RBFOX2: variants seen among roughly 807,000 people sequenced by gnomAD.
The protein encoded by RBFOX2 is RNA binding protein fox-1 homolog 2.
In RBFOX2, 10 loss-of-function variants were observed where a neutral mutation model predicts 49.1. That is an observed-to-expected ratio of 0.20 (90% confidence interval 0.13 to 0.35). The LOEUF is 0.35. Among genes scored for constraint, RBFOX2 ranks in the 10% least tolerant of loss-of-function variants. The probability of loss-of-function intolerance (pLI) is 1.00; values close to 1 mark genes in which losing one functional copy is unlikely to be tolerated. For synonymous variants in RBFOX2, 183 were observed against 187.4 expected (o/e 0.98, Z 0.19); for missense variants, 323 against 486.9 (o/e 0.66, Z 3.17).
At chr22:35,899,566 C>CA (rs398061920) in intron 1 of RBFOX2, among the ~76,000 whole-genome samples, 19,887 of 90,026 alleles carry the variant, frequency 0.22, 2,355 homozygotes, top group African/African-American at 0.44. Context: ...TAAAACAAAA[C>CA]AAAAAAAAAA....
chr22:35,940,629 T>C (rs1007201056), upstream of RBFOX2, among the ~76,000 whole-genome samples: 1 of 151,930 alleles, frequency 6.6e-6, no homozygotes, highest in Admixed American at 6.6e-5. Flanking sequence ...CACAAAATAA[T>C]ATACATGAAT....
At chr22:36,014,405 C>T (rs1007965489) in intron 1 of RBFOX2, among the ~76,000 whole-genome samples, 6 of 152,120 alleles carry the variant, frequency 3.9e-5, no homozygotes, top group South Asian at 2.1e-4. Flanking sequence ...CCACCGCGCC[C>T]GGCCACCTGT....
chr22:36,016,104 A>C (rs2059023833), intron 1 of RBFOX2, among the ~76,000 whole-genome samples: 2 of 152,136 alleles, frequency 1.3e-5, no homozygotes, highest in Admixed American at 6.6e-5. Flanking sequence ...GTAACCCCTA[A>C]GTGAAATCCA....
intron 1 of RBFOX2, among the ~76,000 whole-genome samples, chr22:35,896,465 T>C (rs1008572092): frequency 3.9e-5 from 6 of 152,186 alleles, no homozygotes; most frequent in African/African-American, 1.4e-4. Flanking sequence ...AAACAGCTCC[T>C]TCCTGCTTAT....
chr22:35,916,571 C>T (rs573585818), intron 1 of RBFOX2, among the ~76,000 whole-genome samples: 54 of 152,258 alleles, frequency 3.5e-4, no homozygotes, highest in African/African-American at 1.2e-3. Context: ...CACAAGTCAC[C>T]GTGCCCAGCC....
chr22:35,950,555 T>A (rs561876608), intron 1 of RBFOX2, among the ~76,000 whole-genome samples: 6 of 152,304 alleles, frequency 3.9e-5, no homozygotes, highest in Non-Finnish European at 7.4e-5. Flanking sequence ...GTGAGACAAC[T>A]CCTTGTGAAG....
chr22:36,026,541 T>C (rs953363524), intron 1 of RBFOX2, among the ~76,000 whole-genome samples: 52 of 136,644 alleles, frequency 3.8e-4, no homozygotes, highest in South Asian at 1.6e-3. Context: ...AATGAATACA[T>C]ACACACACAC....
intron 2 of RBFOX2, among the ~76,000 whole-genome samples, chr22:35,799,418 A>G (rs1294006123): frequency 6.6e-6 from 1 of 152,224 alleles, no homozygotes; most frequent in African/African-American, 2.4e-5. Flanking sequence ...CTCTCATCTT[A>G]AGAGCAGAAG....
intron 1 of RBFOX2, among the ~76,000 whole-genome samples, chr22:35,980,172 A>G (rs2150056803): frequency 6.6e-6 from 1 of 152,302 alleles, no homozygotes; most frequent in Admixed American, 6.5e-5. Flanking sequence ...CCACAACGGA[A>G]TATACTTAGG....
At chr22:35,886,941 T>A (rs2046657051) in intron 1 of RBFOX2, among the ~76,000 whole-genome samples, 1 of 152,178 alleles carries the variant, frequency 6.6e-6, no homozygotes, top group Non-Finnish European at 1.5e-5. Context: ...AGAGGAAATA[T>A]ATCTTGGGTG....
chr22:35,984,070 G>A (rs1056428951), intron 1 of RBFOX2, among the ~76,000 whole-genome samples: 3 of 151,916 alleles, frequency 2.0e-5, no homozygotes, highest in Non-Finnish European at 2.9e-5. Flanking sequence ...ACCTCTTGGG[G>A]ATCCCTCCTT....
intron 1 of RBFOX2, among the ~76,000 whole-genome samples, chr22:35,821,581 G>A (rs1281682358): frequency 1.6e-5 from 2 of 121,788 alleles, no homozygotes; most frequent in Admixed American, 2.4e-4. Context: ...CAGCCTGGGG[G>A]ACAGAGTGAG....
At chr22:36,001,161 T>C (rs184260084) in intron 1 of RBFOX2, among the ~76,000 whole-genome samples, 127 of 150,124 alleles carry the variant, frequency 8.5e-4, no homozygotes, top group African/African-American at 3.1e-3. Flanking sequence ...TACATTCAAA[T>C]GTTTTTCTCT....
At chr22:35,815,382 C>T (rs866573139) in intron 1 of RBFOX2, among the ~76,000 whole-genome samples, 4 of 152,160 alleles carry the variant, frequency 2.6e-5, no homozygotes, top group Admixed American at 6.5e-5. Context: ...TAAGAGAACA[C>T]AGAAATGACC....
chr22:35,970,876 G>C (rs1184167383), intron 1 of RBFOX2, among the ~76,000 whole-genome samples: 1 of 152,068 alleles, frequency 6.6e-6, no homozygotes, highest in Non-Finnish European at 1.5e-5. Context: ...GACCTAAATG[G>C]ACCCCTGGGA....
rs2146571879 is a variant in RBFOX2 at position 36,024,471 on chromosome 22, G to T, written c.186+3769C>A. Reference sequence around the variant, plus strand: ...GTGTTAAGAAAACAGGCCAGGTGCAGTGGCTCATGCCTGTAATCTCAGCAC... The same window carrying T: ...GTGTTAAGAAAACAGGCCAGGTGCATTGGCTCATGCCTGTAATCTCAGCAC... On this transcript the variant is annotated intron_variant, in intron 1 of 13. Coordinates refer to the RBFOX2 transcript ENST00000438146. Among the ~76,000 whole-genome samples the T allele has an allele frequency of 1.3e-5, 2 of 152,308 alleles. 1 individual carries two copies. The highest frequency in any genetic ancestry group is 6.8e-3 in the Middle Eastern group (2 of 294).
intron 1 of RBFOX2, among the ~76,000 whole-genome samples, chr22:36,013,628 C>T (rs2058914278): frequency 6.9e-6 from 1 of 145,368 alleles, no homozygotes; most frequent in East Asian, 2.0e-4. Flanking sequence ...ATCACACAAA[C>T]ACACACACAC....
At chr22:35,806,620 A>C (rs1011927518) in intron 2 of RBFOX2, among the ~76,000 whole-genome samples, 7 of 152,242 alleles carry the variant, frequency 4.6e-5, no homozygotes, top group African/African-American at 1.7e-4. Context: ...AGGTACAAAA[A>C]TTATTTAACA....
chr22:36,007,885 CT>C (rs542970377), intron 1 of RBFOX2, among the ~76,000 whole-genome samples: 27 of 151,530 alleles, frequency 1.8e-4, no homozygotes, highest in Middle Eastern at 6.8e-3. Flanking sequence ...ATGAATGTAC[CT>C]TTTTTTTTCT....
Sources: gnomAD v4.1 joint callset for allele counts (sites outside exome capture counted in the v4.1 genomes callset) on GRCh38, gnomAD v4.1.1 for gene constraint, MANE v1.5 for transcripts, NCBI Gene and HGNC (gene_info 2026-07-23, HGNC 2026-07-21) for gene names.